The following COL24A1 variants were observed in gnomAD, a reference collection of about 807,000 sequenced individuals.
The protein encoded by COL24A1 is collagen alpha-1(XXIV) chain.
In COL24A1, 224 loss-of-function variants were observed where a neutral mutation model predicts 253.9. The ratio of observed to expected loss-of-function variants is 0.88; its 90% CI spans 0.79 to 0.99. The LOEUF is 0.99. Among genes scored for constraint, COL24A1 ranks in the 50% least tolerant of loss-of-function variants. COL24A1 has a pLI of 0.00. For missense variants in COL24A1, 2,131 were observed against 2,068.5 expected, an observed-to-expected ratio of 1.03 and a Z score of -0.59; for synonymous variants, 685 against 673.7, an observed-to-expected ratio of 1.02 and a Z score of -0.26.
intron 13 of COL24A1, among the ~76,000 whole-genome samples, chr1:86,033,660 A>C (rs202150538): frequency 1.1e-5 from 1 of 92,726 alleles, no homozygotes; most frequent in East Asian, 2.3e-4. Flanking sequence ...CAAAATAATT[A>C]ATTTAAAGAT....
intron 28 of COL24A1, among the ~76,000 whole-genome samples, chr1:85,902,377 A>G (rs1684404516): frequency 6.6e-6 from 1 of 152,046 alleles, no homozygotes; most frequent in African/African-American, 2.4e-5. Context: ...CCTGTTTTAC[A>G]CCCCCTCGCC....
In COL24A1 at chr1:85,839,159, A is replaced by G. The variant is rs141199202; in HGVS notation, c.3628-521T>C. The stretch of plus-strand genomic sequence containing the variant: ...GGTTGCAGTGAGTCATGTTTGCACC[A>G]CTGCTCTCCAGCCTGGGCAACAGAG... On this transcript the variant is annotated intron_variant, in intron 42 of 59. Transcript: ENST00000370571. 6.0e-3 allele frequency among the ~76,000 whole-genome samples: 913 copies of G among 152,272 alleles called. 7 individuals are homozygous for G. The highest frequency in any genetic ancestry group is 0.011 in the Admixed American group (163 of 15,294).
intron 5 of COL24A1, among the ~76,000 whole-genome samples, chr1:86,107,601 C>A (rs1364281692): frequency 1.3e-5 from 2 of 151,880 alleles, no homozygotes; most frequent in Non-Finnish European, 2.9e-5. Flanking sequence ...GTGGCCCGAT[C>A]TTGGCTCACT....
intron 3 of COL24A1, among the ~76,000 whole-genome samples, chr1:86,120,608 G>C (rs1281512574): frequency 2.6e-5 from 4 of 152,296 alleles, no homozygotes; most frequent in South Asian, 4.1e-4. Context: ...TCTCACACCA[G>C]TTAGAATGGC....
intron 21 of COL24A1, 97 bp from the exon 22 acceptor site, chr1:85,970,368 C>T (rs1026052943): frequency 6.1e-6 from 7 of 1,144,564 alleles, no homozygotes; most frequent in Non-Finnish European, 8.7e-6. Context: ...ATGTGAAGCT[C>T]ATTCTGAGAT....
intron 24 of COL24A1, among the ~76,000 whole-genome samples, chr1:85,925,720 C>G (rs1193924071): frequency 2.0e-5 from 3 of 152,146 alleles, no homozygotes; most frequent in Non-Finnish European, 4.4e-5. Flanking sequence ...CATAAAAACC[C>G]TAGAAGAAAA....
chr1:85,784,312 C>T lies in COL24A1; in HGVS notation c.4114G>A (p.Gly1372Arg). 6.2e-7 allele frequency: 1 copy of T among 1,614,070 alleles called. No homozygotes were observed. Among genetic ancestry groups the T allele is most frequent in the Non-Finnish European group, 8.5e-7 (1 of 1,179,972 alleles). Residue 1372 changes from glycine (G) to arginine (R), a missense_variant, in exon 49 of 60, where the codon GGA becomes AGA. Physicochemically the swap from Gly to Arg is moderately radical, Grantham distance 125 (BLOSUM62 -2). Transcript: ENST00000370571. ...PGIQGKRGHRGAQGDQGPCGD... is the reference protein window; with the variant it reads ...PGIQGKRGHRRAQGDQGPCGD... ...CATGGTCCTTGATCACCTTGTGCTC[C>T]TCGGTGACCTCTTTTACCTTGAATT...
At chr1:85,946,810 T>C (rs1411741350) in intron 24 of COL24A1, among the ~76,000 whole-genome samples, 1 of 152,240 alleles carries the variant, frequency 6.6e-6, no homozygotes, top group Non-Finnish European at 1.5e-5. Context: ...CATTTTTATA[T>C]GGCAGTTTGT....
At chr1:85,801,390 T>C (rs1671416821) in intron 47 of COL24A1, among the ~76,000 whole-genome samples, 1 of 152,198 alleles carries the variant, frequency 6.6e-6, no homozygotes, top group South Asian at 2.1e-4. Flanking sequence ...ACCACTAGGA[T>C]ATTGAAAAGT....
intron 5 of COL24A1, among the ~76,000 whole-genome samples, chr1:86,095,603 G>A (rs1321603510): frequency 6.6e-6 from 1 of 151,956 alleles, no homozygotes; most frequent in Non-Finnish European, 1.5e-5. Context: ...CCCTCATTTT[G>A]TATCAACTGT....
intron 1 of COL24A1, among the ~76,000 whole-genome samples, chr1:86,150,701 C>A (rs1021110553): frequency 6.6e-6 from 1 of 152,028 alleles, no homozygotes; most frequent in Non-Finnish European, 1.5e-5. Flanking sequence ...TTTAATGAAT[C>A]CAAGATTCTT....
At position 85,864,730 on chromosome 1, in the gene COL24A1, C is replaced by T. The variant is rs147109442; in HGVS notation, c.3300+3789G>A. On this transcript the variant is annotated intron_variant, in intron 37 of 59. Coordinates refer to ENST00000370571, the MANE Select transcript of COL24A1 (RefSeq NM_152890.7). The stretch of plus-strand genomic sequence containing the variant: ...TCTTCCCTTAAGATATTTACCTCTA[C>T]CTAATATCATACCACCTTAAACAGA... Among the ~76,000 whole-genome samples the T allele has an allele frequency of 2.7e-3, 408 of 152,240 alleles. 1 individual carries two copies. Among genetic ancestry groups the T allele is most frequent in the African/African-American group, 8.2e-3 (342 of 41,548 alleles).
chr1:85,934,226 A>C (rs749814919), intron 24 of COL24A1, among the ~76,000 whole-genome samples: 1 of 152,230 alleles, frequency 6.6e-6, no homozygotes, highest in African/African-American at 2.4e-5. Context: ...GACTTCTGCC[A>C]TATCCTACTC....
chr1:85,827,796 C>G (rs1164250397), intron 43 of COL24A1, among the ~76,000 whole-genome samples: 2 of 151,920 alleles, frequency 1.3e-5, no homozygotes, highest in African/African-American at 4.8e-5. Context: ...TTTATTGTGT[C>G]TGTTTGATTC....
intron 55 of COL24A1, among the ~76,000 whole-genome samples, chr1:85,758,978 A>T (rs965491969): frequency 1.8e-4 from 16 of 89,300 alleles, no homozygotes; most frequent in African/African-American, 4.5e-4. Flanking sequence ...ATATCTATTA[A>T]GCAGTCCCTC....
At chr1:86,141,472 TCCC>T (rs532754934) in intron 2 of COL24A1, among the ~76,000 whole-genome samples, 1 of 152,056 alleles carries the variant, frequency 6.6e-6, no homozygotes, top group East Asian at 1.9e-4. Flanking sequence ...GAGACAATCC[TCCC>T]CCCATCAACC....
At chr1:85,874,788 C>T in intron 34 of COL24A1, 86 bp from the exon 35 acceptor site, 2 of 1,448,814 alleles carry the variant, frequency 1.4e-6, no homozygotes, top group South Asian at 2.4e-5. Flanking sequence ...GCACAGTTCC[C>T]CAACGCCTGG....
In COL24A1 at chr1:85,908,650, C is replaced by G; in HGVS notation, c.2672G>C (p.Gly891Ala). ...LGPQGEKGVM[G>A]YPGPPGVPGP... ...TGGAACCCCAGGAGGACCTGGATAT[C>G]CCTATAATTTAAGGAAAATATAAAA... is the stretch of plus-strand genomic sequence containing the variant. Residue 891 changes from glycine to alanine, a missense_variant and splice_region_variant, in exon 27 of 60, where the codon GGA becomes GCA. By Grantham distance (60) the Gly-to-Ala change is moderately conservative (BLOSUM62 0). Coordinates refer to ENST00000370571, the MANE Select transcript of COL24A1 (RefSeq NM_152890.7). 7.2e-7 allele frequency: 1 copy of G among 1,391,968 alleles called. No individual in the cohort carries two copies. 86.2% of individuals were successfully genotyped at this position (1,391,968 alleles called of 1,614,324 possible).
At chr1:85,849,215 A>G (rs1677484576) in intron 38 of COL24A1, 138 bp downstream of exon 38, 1 of 460,376 alleles carries the variant, frequency 2.2e-6, no homozygotes, top group Non-Finnish European at 3.8e-6. Flanking sequence ...TAATTTATAT[A>G]AATGTATCTT....
Sources: allele counts gnomAD v4.1 joint callset (sites outside exome capture counted in the v4.1 genomes callset), GRCh38; gene constraint gnomAD v4.1.1; transcripts MANE v1.5; gene names NCBI Gene and HGNC (gene_info 2026-07-23, HGNC 2026-07-21).